The following NRIP2 variants were observed in gnomAD, a reference collection of about 807,000 sequenced individuals.
The protein encoded by NRIP2 is nuclear receptor-interacting protein 2.
In NRIP2, 27 loss-of-function variants were observed where a neutral mutation model predicts 34.1. The observed-to-expected ratio is 0.79, with a 90% CI of 0.58 to 1.09. The LOEUF is 1.09. Ranked by LOEUF, NRIP2 falls within the 50% of genes least tolerant of loss-of-function variation. The probability of loss-of-function intolerance (pLI) is 0.00; values close to 1 mark genes in which losing one functional copy is unlikely to be tolerated. For missense variants in NRIP2, 385 were observed against 352.6 expected, an observed-to-expected ratio of 1.09 and a Z score of -0.74; for synonymous variants, 145 against 146.9, an observed-to-expected ratio of 0.99 and a Z score of 0.09.
intron 1 of NRIP2, among the ~76,000 whole-genome samples, chr12:2,831,649 C>G (rs2098003814): frequency 6.6e-6 from 1 of 152,074 alleles, no homozygotes. Flanking sequence ...TTTGACCTGT[C>G]CCTCATCTAC....
Position 2,829,969 on chromosome 12 carries a change from T to G in NRIP2, c.495+739A>C, listed in dbSNP as rs1370189570. On this transcript the variant is annotated intron_variant, in intron 2 of 5. Coordinates refer to ENST00000337508, the MANE Select transcript of NRIP2 (RefSeq NM_031474.3). ...GTGTGGGCCTATAGTCCCAGCTACT[T>G]AGGAGGCTGAGGCAGGAGAATCGCT... Among the ~76,000 whole-genome samples the G allele has an allele frequency of 2.3e-5, 3 of 132,604 alleles. No homozygotes were observed. The East Asian group carries it at 6.9e-4, about 30-fold the overall frequency. 87.0% of individuals were successfully genotyped at this position (132,604 alleles called of 152,430 possible). A position where few individuals can be genotyped will look rare whatever the true frequency, so the allele number is the denominator to read the frequency against.
Position 2,827,458 on chromosome 12 carries a change from G to A in NRIP2, c.754-159C>T, listed in dbSNP as rs2097973958. 2 of 985,404 alleles carry A rather than the reference G, an allele frequency of 2.0e-6. No individual in the cohort carries two copies. Among genetic ancestry groups the A allele is most frequent in the Non-Finnish European group, 2.4e-6 (2 of 829,928 alleles). 61.0% of individuals were successfully genotyped at this position (985,404 alleles called of 1,614,324 possible). A position where few individuals can be genotyped will look rare whatever the true frequency, so the allele number is the denominator to read the frequency against. On this transcript the variant is annotated intron_variant, in intron 5 of 5. Transcript: ENST00000337508. The surrounding 1 kb of genome is among the most constrained non-coding windows in gnomAD (Gnocchi z 4.0). ...GACTCCTGTTGAAGGGGGTGACCCA[G>A]TTCTCTTGATTTTTCACTTGGTGGT...
intron 1 of NRIP2, among the ~76,000 whole-genome samples, chr12:2,831,371 G>T (rs1235435773): frequency 2.0e-5 from 3 of 151,922 alleles, no homozygotes; most frequent in East Asian, 1.9e-4. Flanking sequence ...ATCACTTGAG[G>T]TCAGGAGTTC....
intron 2 of NRIP2, 35 bp downstream of exon 2, chr12:2,830,673 T>G (rs1273539016): frequency 1.3e-6 from 2 of 1,585,136 alleles, no homozygotes; most frequent in East Asian, 4.5e-5. Flanking sequence ...CAGGCAGGGT[T>G]GTTAATGAAA....
At chr12:2,831,958 G>A (rs1026240499) in intron 1 of NRIP2, among the ~76,000 whole-genome samples, 3 of 151,946 alleles carry the variant, frequency 2.0e-5, no homozygotes, top group Admixed American at 2.0e-4. Flanking sequence ...TCGGATCCTT[G>A]GAACACCTTC....
intron 1 of NRIP2, among the ~76,000 whole-genome samples, chr12:2,832,223 C>A (rs16929995): frequency 0.18 from 26,962 of 151,928 alleles, 2,689 homozygotes; most frequent in South Asian, 0.34. Context: ...CTAACCATGT[C>A]TTCTCTTATT....
chr12:2,828,765 C>G (rs2097983907), intron 2 of NRIP2, among the ~76,000 whole-genome samples: 1 of 152,098 alleles, frequency 6.6e-6, no homozygotes, highest in South Asian at 2.1e-4. Context: ...TCGCTTGAAC[C>G]CGAGAGGCGG....
intron 1 of NRIP2, among the ~76,000 whole-genome samples, chr12:2,832,244 C>G (rs1438349858): frequency 3.3e-5 from 5 of 152,064 alleles, no homozygotes; most frequent in African/African-American, 1.2e-4. Flanking sequence ...TAAAATGCAT[C>G]AAAGACCCCC....
At chr12:2,831,591 A>G (rs748671946) in intron 1 of NRIP2, among the ~76,000 whole-genome samples, 3 of 151,884 alleles carry the variant, frequency 2.0e-5, no homozygotes, top group Non-Finnish European at 2.9e-5. Context: ...CTCAAAAAAA[A>G]AAACCAAACA....
intron 1 of NRIP2, 71 bp downstream of exon 1, chr12:2,834,571 C>A: frequency 6.6e-7 from 1 of 1,515,208 alleles, no homozygotes; most frequent in Non-Finnish European, 8.8e-7. Context: ...CTGGTCCTGC[C>A]TCCTGCTCAG....
chr12:2,828,128 C>T, intron 3 of NRIP2, 81 bp from the exon 4 acceptor site: 5 of 1,393,528 alleles, frequency 3.6e-6, no homozygotes, highest in Non-Finnish European at 5.0e-6. Flanking sequence ...TCCCTCTCTA[C>T]TATGGTTTCA....
chr12:2,834,329 T>C (rs1458442512), intron 1 of NRIP2, among the ~76,000 whole-genome samples: 1 of 152,150 alleles, frequency 6.6e-6, no homozygotes, highest in Non-Finnish European at 1.5e-5. Flanking sequence ...AAGTGACCAC[T>C]CTAGAGGGTT....
chr12:2,828,935 G>A lies in NRIP2; in HGVS notation c.496-521C>T, dbSNP rs150509153. On this transcript the variant is annotated intron_variant, in intron 2 of 5. Transcript: ENST00000337508. ...TCAAAAAAGGAAGTGGACCAGGTGC[G>A]GTGGCTCATGCTTGTAGTTCTAGCA... Among the ~76,000 whole-genome samples the A allele has an allele frequency of 6.9e-3, 1,047 of 152,178 alleles. 12 individuals are homozygous for A. Among genetic ancestry groups the A allele is most frequent in the African/African-American group, 0.024 (1,000 of 41,504 alleles).
chr12:2,832,114 A>C (rs1418739014), intron 1 of NRIP2, among the ~76,000 whole-genome samples: 1 of 152,012 alleles, frequency 6.6e-6, no homozygotes, highest in Non-Finnish European at 1.5e-5. Context: ...TTAAAAATGC[A>C]CTCTCATACC....
In NRIP2 at chr12:2,830,590, A is replaced by G. The variant is rs1313183943; in HGVS notation, c.495+118T>C. 13 of 1,129,428 alleles carry G rather than the reference A, an allele frequency of 1.2e-5. No homozygotes were observed. In the East Asian group the frequency reaches 1.6e-4, roughly 14 times the overall value. The allele number at this position is 1,129,428 out of a possible 1,614,324, so 70.0% of individuals were successfully genotyped here. ...GATCCTGGTTAGGTCCAGGCTAGGG[A>G]GAGAGGTGCCCTTTCTCCCTCCCTC... On this transcript the variant is annotated intron_variant, in intron 2 of 5. Coordinates refer to ENST00000337508, the MANE Select transcript of NRIP2 (RefSeq NM_031474.3).
At position 2,828,139 on chromosome 12, in the gene NRIP2, T is replaced by C. The variant is rs2097978921; in HGVS notation, c.579-92A>G. ...GGTGTCCCTCTCTACTATGGTTTCA[T>C]CTCCAACCCCTGACCTCACGTGGGG... On this transcript the variant is annotated intron_variant, in intron 3 of 5. Transcript: ENST00000337508. 5 of 1,308,390 alleles carry C rather than the reference T, an allele frequency of 3.8e-6. No individual in the cohort carries two copies. The East Asian group carries it at 1.2e-4, about 30-fold the overall frequency. 81.0% of individuals were successfully genotyped at this position (1,308,390 alleles called of 1,614,324 possible). A position where few individuals can be genotyped will look rare whatever the true frequency, so the allele number is the denominator to read the frequency against.
chr12:2,832,514 C>T lies in NRIP2; in HGVS notation c.343-1654G>A, dbSNP rs116861790. On this transcript the variant is annotated intron_variant, in intron 1 of 5. Coordinates refer to ENST00000337508, the MANE Select transcript of NRIP2 (RefSeq NM_031474.3). ...ACTTTATTTGAGAGAGAGGTTGTATCTTAAGTTTGAGATTCTGTGTACATC... is the reference window on the plus strand; with the variant it reads ...ACTTTATTTGAGAGAGAGGTTGTATTTTAAGTTTGAGATTCTGTGTACATC... Among the ~76,000 whole-genome samples the T allele has an allele frequency of 6.3e-3, 955 of 152,082 alleles. 7 individuals are homozygous for T. Among genetic ancestry groups the T allele is most frequent in the Admixed American group, 0.012 (179 of 15,252 alleles).
Position 2,830,979 on chromosome 12 carries a change from C to G in NRIP2, c.343-119G>C, listed in dbSNP as rs2097999733. 5 of 1,020,018 alleles carry G rather than the reference C, an allele frequency of 4.9e-6. No homozygotes were observed. The East Asian group carries it at 1.3e-4, about 27-fold the overall frequency. The allele number at this position is 1,020,018 out of a possible 1,614,324, so 63.2% of individuals were successfully genotyped here. On this transcript the variant is annotated intron_variant, in intron 1 of 5. Coordinates refer to ENST00000337508, the MANE Select transcript of NRIP2 (RefSeq NM_031474.3). ...CCCACCCCCCCAGCCCTGAGCCTTA[C>G]CCTAGGAGTTTACCCTAGGGTCCCA...
intron 1 of NRIP2, among the ~76,000 whole-genome samples, chr12:2,831,136 G>T (rs1205457173): frequency 6.6e-6 from 1 of 152,014 alleles, no homozygotes; most frequent in East Asian, 1.9e-4. Flanking sequence ...AGTAGCCGAA[G>T]GGACATTTCA....
Sources: allele counts gnomAD v4.1 joint callset (sites outside exome capture counted in the v4.1 genomes callset), GRCh38; gene constraint gnomAD v4.1.1; non-coding constraint Gnocchi (gnomAD v3.1); transcripts MANE v1.5; gene names NCBI Gene and HGNC (gene_info 2026-07-23, HGNC 2026-07-21).